The following SLC8A1 variants were observed in gnomAD, a reference collection of about 807,000 sequenced individuals.
The protein encoded by SLC8A1 is solute carrier family 8 member A1.
Under a neutral mutation model 68.3 loss-of-function variants are expected in SLC8A1, and 18 were observed. The ratio of observed to expected loss-of-function variants is 0.26; its 90% CI spans 0.18 to 0.39. SLC8A1 has a LOEUF of 0.39. Ranked by LOEUF, SLC8A1 falls within the 10% of genes least tolerant of loss-of-function variation. The pLI is 1.00. For synonymous variants in SLC8A1, 475 were observed against 415.5 expected (o/e 1.14, Z -1.74); for missense variants, 985 against 1,156.7 (o/e 0.85, Z 2.15).
intron 2 of SLC8A1, among the ~76,000 whole-genome samples, chr2:40,312,028 T>G (rs969414415): frequency 6.6e-6 from 1 of 152,106 alleles, no homozygotes; most frequent in African/African-American, 2.4e-5. Flanking sequence ...TTCTCACTCC[T>G]TTTGATTTAT....
intron 2 of SLC8A1, among the ~76,000 whole-genome samples, chr2:40,302,149 A>G (rs1241936347): frequency 2.7e-5 from 4 of 150,594 alleles, no homozygotes; most frequent in Non-Finnish European, 5.9e-5. Context: ...CACCTGCCTT[A>G]GCCTCCCAGT....
At chr2:40,418,031 G>T (rs1559599331) in intron 2 of SLC8A1, among the ~76,000 whole-genome samples, 1 of 152,018 alleles carries the variant, frequency 6.6e-6, no homozygotes, top group African/African-American at 2.4e-5. Flanking sequence ...TCAAAACCAG[G>T]TCGATTTAAA....
rs1264777752 is a variant in SLC8A1 at position 40,292,137 on chromosome 2, A to G, written c.1809-114282T>C. ...GTGGAAAGAAATTTTAAAAAGAGGG[A>G]GGAAAAACTAAACCATGAGACCAAT... On this transcript the variant is annotated intron_variant, in intron 2 of 7. Coordinates refer to ENST00000406785, the Ensembl canonical transcript of SLC8A1. Among the ~76,000 whole-genome samples the G allele has an allele frequency of 2.6e-5, 4 of 152,152 alleles. No homozygotes were observed. In the East Asian group the frequency reaches 7.7e-4, roughly 29 times the overall value.
chr2:40,175,788 T>C (rs2048364809), intron 3 of SLC8A1, among the ~76,000 whole-genome samples: 1 of 152,088 alleles, frequency 6.6e-6, no homozygotes, highest in Non-Finnish European at 1.5e-5. Flanking sequence ...CCTGGGACAT[T>C]CCATTTTGGG....
rs150085152 is a variant in SLC8A1, at chr2:40,394,509, T to C, written c.1808+33964A>G. Among the ~76,000 whole-genome samples the C allele has an allele frequency of 3.0e-3, 458 of 152,082 alleles. 3 individuals are homozygous for C. Among genetic ancestry groups the C allele is most frequent in the African/African-American group, 0.011 (443 of 41,530 alleles). On this transcript the variant is annotated intron_variant, in intron 2 of 7. Coordinates refer to ENST00000406785, the Ensembl canonical transcript of SLC8A1. ...CTGAAACAGAGCGGTAGCAAGCAAATGGCAGATTTGGTTTTATCATCAAGT... is the reference window on the plus strand; with the variant it reads ...CTGAAACAGAGCGGTAGCAAGCAAACGGCAGATTTGGTTTTATCATCAAGT...
In SLC8A1 at chr2:40,158,179, C is replaced by G. The variant is rs530435758; in HGVS notation, c.2161+2586G>C. The stretch of plus-strand genomic sequence containing the variant: ...TGTAATAAGGCAAATTGTACTGACT[C>G]TCAACTATTTAGCCATGAAATTTTA... On this transcript the variant is annotated intron_variant, in intron 6 of 7. Coordinates refer to ENST00000406785, the Ensembl canonical transcript of SLC8A1. Among the ~76,000 whole-genome samples, 101 of 152,300 alleles carry G rather than the reference C, an allele frequency of 6.6e-4. No individual in the cohort carries two copies. The South Asian group carries it at 7.0e-3, about 11-fold the overall frequency.
intron 7 of SLC8A1, among the ~76,000 whole-genome samples, chr2:40,133,402 G>T (rs989729886): frequency 2.1e-5 from 3 of 141,152 alleles, no homozygotes; most frequent in Admixed American, 7.2e-5. Flanking sequence ...GGGGGGGGGG[G>T]GGGTGGAAAC....
intron 2 of SLC8A1, among the ~76,000 whole-genome samples, chr2:40,332,567 GA>G (rs1165578235): frequency 2.0e-5 from 3 of 152,066 alleles, no homozygotes; most frequent in African/African-American, 7.2e-5. Flanking sequence ...ACGCCAGGGA[GA>G]AAAAAGGCTG....
chr2:40,445,590 C>A (rs780374554), intron 1 of SLC8A1, among the ~76,000 whole-genome samples: 4 of 152,162 alleles, frequency 2.6e-5, no homozygotes, highest in Non-Finnish European at 4.4e-5. Context: ...AATATAAACA[C>A]AAAGCAAAAC....
intron 3 of SLC8A1, 45 bp from the exon 5 acceptor site, chr2:40,174,887 T>C (rs1246304779): frequency 6.4e-7 from 1 of 1,572,896 alleles, no homozygotes; most frequent in Non-Finnish European, 8.7e-7. Flanking sequence ...TTTGACACTC[T>C]ACATAACAAA....
At chr2:40,310,541 G>A (rs768046004) in intron 2 of SLC8A1, among the ~76,000 whole-genome samples, 4 of 152,182 alleles carry the variant, frequency 2.6e-5, no homozygotes, top group Non-Finnish European at 4.4e-5. Context: ...ACTCGGGTCT[G>A]TAGCAGCTGC....
Position 40,503,757 on chromosome 2 carries a change from A to T in SLC8A1, c.-25+8592T>A, listed in dbSNP as rs753411090. On this transcript the variant is annotated intron_variant, in intron 1 of 7. Transcript: ENST00000402441. ...GGAATTAACTTAACCAAAGAAGTGA[A>T]AGATTACTACAATGAAAACGATAAA... is the stretch of plus-strand genomic sequence containing the variant. Among the ~76,000 whole-genome samples the T allele has an allele frequency of 5.1e-4, 78 of 152,046 alleles. 1 individual carries two copies. The highest frequency in any genetic ancestry group is 9.3e-4 in the Non-Finnish European group (63 of 67,952).
At chr2:40,309,502 C>CT (rs34863585) in intron 2 of SLC8A1, among the ~76,000 whole-genome samples, 4,131 of 123,252 alleles carry the variant, frequency 0.034, 136 homozygotes, top group Non-Finnish European at 0.04. Context: ...GAATATTTTA[C>CT]TTTTTTTTTT....
intron 2 of SLC8A1, among the ~76,000 whole-genome samples, chr2:40,286,837 C>T (rs1165613685): frequency 1.3e-5 from 2 of 152,184 alleles, no homozygotes; most frequent in African/African-American, 2.4e-5. Context: ...ATCACATGTG[C>T]TTGATTGGTC....
chr2:40,177,687 A>G (rs1447173730), intron 3 of SLC8A1: 2 of 956,364 alleles, frequency 2.1e-6, no homozygotes, highest in Non-Finnish European at 3.3e-6. Flanking sequence ...TAAGTGTGAG[A>G]GTAGGGAGAC....
intron 1 of SLC8A1, among the ~76,000 whole-genome samples, chr2:40,470,444 G>A (rs1425042208): frequency 1.3e-5 from 2 of 151,842 alleles, no homozygotes; most frequent in East Asian, 1.9e-4. Context: ...CAATATAAAT[G>A]TCCAACACTA....
At chr2:40,378,773 T>C (rs553975298) in intron 2 of SLC8A1, among the ~76,000 whole-genome samples, 1 of 152,096 alleles carries the variant, frequency 6.6e-6, no homozygotes, top group Non-Finnish European at 1.5e-5. Context: ...CCTGTTAAAT[T>C]CCTATTTTGG....
At chr2:40,345,367 G>T (rs890498500) in intron 2 of SLC8A1, among the ~76,000 whole-genome samples, 5 of 152,136 alleles carry the variant, frequency 3.3e-5, no homozygotes, top group African/African-American at 1.2e-4. Context: ...AAAGAAAATT[G>T]AAGTGTGATA....
chr2:40,173,495 T>C (rs1464289805), intron 4 of SLC8A1, among the ~76,000 whole-genome samples: 1 of 148,042 alleles, frequency 6.8e-6, no homozygotes, highest in African/African-American at 2.5e-5. Flanking sequence ...ATGCCATGTC[T>C]AGAGAGAAGC....
Sources: gnomAD v4.1 joint callset for allele counts (sites outside exome capture counted in the v4.1 genomes callset) on GRCh38, gnomAD v4.1.1 for gene constraint, MANE v1.5 for transcripts, NCBI Gene and HGNC (gene_info 2026-07-23, HGNC 2026-07-21) for gene names.